Variants in CCNB2 observed in about 807,000 individuals in gnomAD.
CCNB2 encodes the protein cyclin B2, also known as G2/mitotic-specific cyclin-B2.
A neutral mutation model predicts 51.1 loss-of-function variants in CCNB2; 39 were observed. The observed-to-expected ratio is 0.76, with a 90% CI of 0.59 to 1.00. The LOEUF (loss-of-function observed/expected upper bound fraction) is 1.00, where lower values mean the gene tolerates loss of function less well. Ranked by LOEUF, CCNB2 falls within the 50% of genes least tolerant of loss-of-function variation. CCNB2 has a pLI of 0.00. For synonymous variants in CCNB2, 174 were observed against 165.5 expected, an observed-to-expected ratio of 1.05 and a Z score of -0.40; for missense variants, 472 against 470.3, an observed-to-expected ratio of 1.00 and a Z score of -0.03.
rs1345980675 is a variant in CCNB2 at position 59,124,958 on chromosome 15, C to T, written c.*81C>T. On this transcript the variant is annotated 3_prime_UTR_variant, in exon 9 of 9. Transcript: ENST00000288207. ...AGAACTCTTGATTTTGTACATAGTC[C>T]TCTGGTCTATCTCATGAAACCTCTT... The T allele has an allele frequency of 1.4e-5, 11 of 775,660 alleles. No individual in the cohort carries two copies. The highest frequency in any genetic ancestry group is 1.6e-5 in the Non-Finnish European group (8 of 496,430). The allele number at this position is 775,660 out of a possible 1,614,324, so 48.0% of individuals were successfully genotyped here. A position where few individuals can be genotyped will look rare whatever the true frequency, so the allele number is the denominator to read the frequency against.
chr15:59,114,924 C>CATTTATG (rs760782988), intron 5 of CCNB2, 48 bp downstream of exon 5: 5 of 1,552,656 alleles, frequency 3.2e-6, no homozygotes, highest in African/African-American at 2.7e-5. Context: ...TTGAACATTG[C>CATTTATG]ATTTATGCTT....
At chr15:59,113,317 C>G (rs1217640427) in intron 3 of CCNB2, among the ~76,000 whole-genome samples, 1 of 152,178 alleles carries the variant, frequency 6.6e-6, no homozygotes, top group Admixed American at 6.5e-5. Flanking sequence ...GAGGCTGCTA[C>G]TAAAGTAGAA....
chr15:59,122,302 G>A (rs1299971160), intron 7 of CCNB2, among the ~76,000 whole-genome samples: 2 of 121,030 alleles, frequency 1.7e-5, no homozygotes, highest in Admixed American at 1.1e-4. Flanking sequence ...AGACTGGAGT[G>A]CAGTGGTGCG....
Position 59,117,259 on chromosome 15 carries a change from A to G in CCNB2, c.866A>G (p.Tyr289Cys). The change falls in exon 7 of 9, where the codon TAT (tyrosine) becomes TGT (cysteine). Residue 289 changes from tyrosine (Y) to cysteine (C), a missense_variant. Transcript: ENST00000288207. ...VDVEQHTLAK[Y>C]LMELTLIDYD... Reference sequence around the variant, plus strand: ...GTTGAACAGCACACTTTAGCCAAGTATTTGATGGAGCTGACTCTCATCGAC... The same window carrying G: ...GTTGAACAGCACACTTTAGCCAAGTGTTTGATGGAGCTGACTCTCATCGAC... 1 of 1,613,328 alleles carries G rather than the reference A, an allele frequency of 6.2e-7. No individual in the cohort carries two copies. The highest frequency in any genetic ancestry group is 8.5e-7 in the Non-Finnish European group (1 of 1,179,982).
At chr15:59,116,647 C>G (rs1416669265) in intron 5 of CCNB2, 43 bp from the exon 6 acceptor site, 5 of 1,374,864 alleles carry the variant, frequency 3.6e-6, no homozygotes, top group Non-Finnish European at 4.1e-6. Context: ...AAGCTTCACT[C>G]TTCTTGTTAG....
At chr15:59,112,437 C>T (rs777601519) in intron 3 of CCNB2, among the ~76,000 whole-genome samples, 1 of 151,558 alleles carries the variant, frequency 6.6e-6, no homozygotes, top group Non-Finnish European at 1.5e-5. Flanking sequence ...CTCTGCCTCC[C>T]AGGTTCAAAC....
At chr15:59,120,863 G>T (rs552253622) in intron 7 of CCNB2, among the ~76,000 whole-genome samples, 11 of 152,322 alleles carry the variant, frequency 7.2e-5, no homozygotes, top group Admixed American at 4.6e-4. Flanking sequence ...CCTTCACCCA[G>T]TGATTAAGCT....
At chr15:59,105,662 C>G (rs2079232909) in intron 1 of CCNB2, among the ~76,000 whole-genome samples, 2 of 152,238 alleles carry the variant, frequency 1.3e-5, no homozygotes, top group Admixed American at 6.5e-5. Context: ...TTCCCTCCCC[C>G]TTTCTTACAA....
Position 59,105,214 on chromosome 15 carries a change from T to C in CCNB2, c.-55T>C. On this transcript the variant is annotated 5_prime_UTR_variant, in exon 1 of 9. Coordinates refer to ENST00000288207, the MANE Select transcript of CCNB2 (RefSeq NM_004701.4). Reference sequence around the variant, plus strand: ...GCCTCGTACGCTAGTGTCCTCCCTTTTCAGTCCGCGTCCCTCCCTGGGCCG... The same window carrying C: ...GCCTCGTACGCTAGTGTCCTCCCTTCTCAGTCCGCGTCCCTCCCTGGGCCG... 6.5e-7 allele frequency: 1 copy of C among 1,537,490 alleles called. No individual in the cohort carries two copies. The highest frequency in any genetic ancestry group is 2.4e-5 in the East Asian group (1 of 40,936).
At chr15:59,109,350 T>A (rs965611798) in intron 3 of CCNB2, among the ~76,000 whole-genome samples, 2 of 152,110 alleles carry the variant, frequency 1.3e-5, no homozygotes, top group African/African-American at 4.8e-5. Flanking sequence ...ATGGTTATTC[T>A]CCATACCCAG....
At chr15:59,121,222 G>A (rs1398047633) in intron 7 of CCNB2, 1 of 151,988 alleles carries the variant, frequency 6.6e-6, no homozygotes, top group Non-Finnish European at 1.5e-5. Context: ...GGGAGAGGAG[G>A]GAAACGTGGC....
At position 59,107,350 on chromosome 15, in the gene CCNB2, CAGG is replaced by C; in HGVS notation, c.56_58del (p.Gly19del). The C allele has an allele frequency of 1.9e-6, 3 of 1,600,754 alleles. No individual in the cohort carries two copies. Among genetic ancestry groups the C allele is most frequent in the Non-Finnish European group, 2.6e-6 (3 of 1,173,080 alleles). On this transcript the variant is annotated inframe_deletion, in exon 2 of 9. Transcript: ENST00000288207. ...TCCAGTGATTTGGAGAATATTGACA[CAGG>C]AGTTAATTCTAAAGTTAAGAGTCAT... is the stretch of plus-strand genomic sequence containing the variant.
rs562502263 is a variant in CCNB2, at chr15:59,105,170, G to A, written c.-99G>A. 1.8e-6 allele frequency: 2 copies of A among 1,133,424 alleles called. No homozygotes were observed. Among genetic ancestry groups the A allele is most frequent in the East Asian group, 2.6e-5 (1 of 37,974 alleles). 70.2% of individuals were successfully genotyped at this position (1,133,424 alleles called of 1,614,324 possible). On this transcript the variant is annotated 5_prime_UTR_variant, in exon 1 of 9. Transcript: ENST00000288207. ...CGAAGATCCCCAGCGCTGCGGGCTCGGAGAGCAGTCCTAACGGCGCCTCGT... is the reference window on the plus strand; with the variant it reads ...CGAAGATCCCCAGCGCTGCGGGCTCAGAGAGCAGTCCTAACGGCGCCTCGT...
At chr15:59,118,706 A>T (rs573518084) in intron 7 of CCNB2, among the ~76,000 whole-genome samples, 114 of 152,084 alleles carry the variant, frequency 7.5e-4, no homozygotes, top group African/African-American at 2.3e-3. Flanking sequence ...AAAAAAGAAG[A>T]AGTTGTCTCG....
In CCNB2 at chr15:59,123,527, A is replaced by AGCAGTATT. The variant is rs1410395792; in HGVS notation, c.987_994dup (p.Tyr332CysfsTer24). 6.2e-7 allele frequency: 1 copy of AGCAGTATT among 1,607,408 alleles called. No homozygotes were observed. The highest frequency in any genetic ancestry group is 8.5e-7 in the Non-Finnish European group (1 of 1,174,074). ...CTTCTTGTGTTTCAGAACTTAAAGC[A>AGCAGTATT]GCAGTATTACACAGGATACACAGAG... On this transcript the variant is annotated frameshift_variant, in exon 8 of 9. Coordinates refer to ENST00000288207, the MANE Select transcript of CCNB2 (RefSeq NM_004701.4). LOFTEE classifies it high-confidence loss of function.
intron 7 of CCNB2, among the ~76,000 whole-genome samples, chr15:59,120,596 A>T (rs1233763296): frequency 1.3e-5 from 2 of 152,230 alleles, no homozygotes; most frequent in East Asian, 3.8e-4. Context: ...TAATGACATA[A>T]AAAATAAAAG....
chr15:59,111,836 A>ATTCTT (rs1462540532), intron 3 of CCNB2, among the ~76,000 whole-genome samples: 1 of 140,806 alleles, frequency 7.1e-6, no homozygotes, highest in Non-Finnish European at 1.5e-5. Flanking sequence ...ATTCTATTCT[A>ATTCTT]TTCTTTTCTT....
intron 3 of CCNB2, among the ~76,000 whole-genome samples, chr15:59,113,226 A>G (rs2079265165): frequency 6.6e-6 from 1 of 152,332 alleles, no homozygotes; most frequent in South Asian, 2.1e-4. Context: ...ATAGACTGCA[A>G]TATGCTTTTC....
intron 5 of CCNB2, chr15:59,116,109 A>C (rs2079277752): frequency 1.3e-5 from 2 of 152,056 alleles, no homozygotes; most frequent in South Asian, 4.1e-4. Context: ...CAATTAAGGG[A>C]AACGCTTTAC....
Sources: allele counts gnomAD v4.1 joint callset (sites outside exome capture counted in the v4.1 genomes callset), GRCh38; gene constraint gnomAD v4.1.1; transcripts MANE v1.5; gene names NCBI Gene and HGNC (gene_info 2026-07-23, HGNC 2026-07-21).